The following DOCK3 variants were observed in gnomAD, a reference collection of about 807,000 sequenced individuals.
The protein encoded by DOCK3 is dedicator of cytokinesis 3.
A neutral mutation model predicts 265.6 loss-of-function variants in DOCK3; 60 were observed. The ratio of observed to expected loss-of-function variants is 0.23; its 90% CI spans 0.18 to 0.28. The LOEUF is 0.28. Among genes scored for constraint, DOCK3 ranks in the 10% least tolerant of loss-of-function variants. The probability of loss-of-function intolerance (pLI) is 1.00; values close to 1 mark genes in which losing one functional copy is unlikely to be tolerated. For missense variants in DOCK3, 1,981 were observed against 2,594.3 expected (o/e 0.76, Z 5.14); for synonymous variants, 881 against 938.0 (o/e 0.94, Z 1.11).
intron 12 of DOCK3, among the ~76,000 whole-genome samples, chr3:51,175,674 C>G (rs756306964): frequency 1.3e-4 from 20 of 152,286 alleles, no homozygotes; most frequent in Middle Eastern, 3.4e-3. Context: ...GATTTGCAGG[C>G]TACTTTAAGA....
rs146712657 is a variant in DOCK3, at chr3:51,149,283, A to C, written c.828+2653A>C. 7.5e-3 allele frequency among the ~76,000 whole-genome samples: 1,144 copies of C among 152,308 alleles called. 15 individuals are homozygous for C. The highest frequency in any genetic ancestry group is 0.026 in the African/African-American group (1,097 of 41,550). Reference sequence around the variant, plus strand: ...CTAAATATACAATCATGTCATCTGCAAACAGGGACAATTTGACTTCCTCTT... The same window carrying C: ...CTAAATATACAATCATGTCATCTGCCAACAGGGACAATTTGACTTCCTCTT... On this transcript the variant is annotated intron_variant, in intron 10 of 52. Transcript: ENST00000266037.
intron 4 of DOCK3, among the ~76,000 whole-genome samples, chr3:50,918,265 A>G (rs1408316367): frequency 2.6e-5 from 4 of 152,202 alleles, no homozygotes; most frequent in African/African-American, 9.6e-5. Context: ...AATCCGTTGG[A>G]TATATACCCA....
At position 50,774,154 on chromosome 3, in the gene DOCK3, GT is replaced by G. The variant is rs568230070; in HGVS notation, c.38-4517del. ...TGGTATATACATTTTTTCACAGCTT[GT>G]TTTCTTTACAACTGAGAGGCTTGAT... On this transcript the variant is annotated intron_variant, in intron 1 of 52. Transcript: ENST00000266037. 4.6e-4 allele frequency among the ~76,000 whole-genome samples: 70 copies of G among 151,876 alleles called. No homozygotes were observed. The South Asian group carries it at 7.9e-3, about 17-fold the overall frequency.
At chr3:50,817,694 AT>A (rs139263008) in intron 2 of DOCK3, among the ~76,000 whole-genome samples, 12 of 147,152 alleles carry the variant, frequency 8.2e-5, no homozygotes, top group East Asian at 2.0e-4. Flanking sequence ...CTTTGGGGCT[AT>A]TTTTTTTTTC....
chr3:51,340,507 A>C (rs2085169935), intron 37 of DOCK3, among the ~76,000 whole-genome samples: 1 of 152,262 alleles, frequency 6.6e-6, no homozygotes, highest in Non-Finnish European at 1.5e-5. Context: ...ATAAATGGTT[A>C]GAAATGAGAT....
At chr3:51,264,099 A>G (rs2080020019) in intron 23 of DOCK3, among the ~76,000 whole-genome samples, 1 of 152,228 alleles carries the variant, frequency 6.6e-6, no homozygotes, top group African/African-American at 2.4e-5. Flanking sequence ...CCCCAAATCA[A>G]CAGAATATAC....
chr3:50,819,075 A>AG (rs2106883543), intron 2 of DOCK3, among the ~76,000 whole-genome samples: 1 of 152,328 alleles, frequency 6.6e-6, no homozygotes, highest in Admixed American at 6.5e-5. Context: ...TCCAAACTGC[A>AG]TGAGTTTGTT....
chr3:50,697,144 T>C (rs2035681983), intron 1 of DOCK3, among the ~76,000 whole-genome samples: 1 of 151,718 alleles, frequency 6.6e-6, no homozygotes, highest in Non-Finnish European at 1.5e-5. Context: ...TTGGCCAGGC[T>C]GGTCTCAAAT....
rs72937295 is a variant in DOCK3, at chr3:50,954,003, G to A, written c.315+19926G>A. 6.2e-3 allele frequency among the ~76,000 whole-genome samples: 945 copies of A among 152,066 alleles called. 9 individuals carry two copies. The highest frequency in any genetic ancestry group is 0.021 in the African/African-American group (888 of 41,504). ...CAGTGGTATTAAGTACGTTCACATT[G>A]TTATGCAATCCCCACCATTGTTATG... is the stretch of plus-strand genomic sequence containing the variant. On this transcript the variant is annotated intron_variant, in intron 5 of 52. Transcript: ENST00000266037.
In DOCK3 at chr3:51,280,140, G is replaced by A. The variant is rs758242895; in HGVS notation, c.2858G>A (p.Arg953His). 11 of 1,613,638 alleles carry A rather than the reference G, an allele frequency of 6.8e-6. No homozygotes were observed. The highest frequency in any genetic ancestry group is 2.2e-5 in the East Asian group (1 of 44,862). The part of the protein sequence containing the change: ...EYVSCLLSLL[R>H]QMCDTHFQHL... ...GTGTCCTGCCTTCTCTCACTGCTCC[G>A]CCAGATGTGTGACACCCATTTCCAG... The change falls in exon 27 of 53, where the codon CGC becomes CAC. Residue 953 changes from arginine (R) to histidine (H), a missense_variant. By Grantham distance (29) the Arg-to-His change is conservative (BLOSUM62 0). Around this residue, in one of 4 missense-constraint regions of DOCK3, gnomAD observed 1,357 missense variants for 1,866.8 expected, o/e 0.73. Coordinates refer to ENST00000266037, the MANE Select transcript of DOCK3 (RefSeq NM_004947.5).
intron 12 of DOCK3, among the ~76,000 whole-genome samples, chr3:51,188,110 C>T (rs1393748563): frequency 1.3e-5 from 2 of 152,182 alleles, no homozygotes; most frequent in African/African-American, 2.4e-5. Flanking sequence ...AAATGCTCAA[C>T]ATAGTCTTTT....
At chr3:51,208,649 CAG>C (rs2089347043) in intron 12 of DOCK3, 123 bp from the exon 13 acceptor site, 1 of 740,596 alleles carries the variant, frequency 1.4e-6, no homozygotes, top group East Asian at 2.7e-5. Context: ...TTTAGTAAAA[CAG>C]AACATCATTT....
Position 51,330,199 on chromosome 3 carries a change from G to A in DOCK3, c.3464G>A (p.Ser1155Asn). 6.2e-7 allele frequency: 1 copy of A among 1,601,580 alleles called. No individual in the cohort carries two copies. Among genetic ancestry groups the A allele is most frequent in the Non-Finnish European group, 8.5e-7 (1 of 1,174,180 alleles). The change falls in exon 33 of 53, where the codon AGC (serine) becomes AAC (asparagine). Residue 1155 changes from serine to asparagine, a missense_variant. Around this residue, in one of 4 missense-constraint regions of DOCK3, gnomAD observed 1,357 missense variants for 1,866.8 expected, o/e 0.73. Transcript: ENST00000266037. ...GTGTCAGAAGGGAAAGGTGACGAGA[G>A]CTACAGGGAGCTCTTCAGCCTACTG... ...SMVSEGKGDE[S>N]YRELFSLLTQ... is the part of the protein sequence containing the mutation.
chr3:50,827,950 CTT>C (rs575001275), intron 2 of DOCK3, among the ~76,000 whole-genome samples: 4 of 144,716 alleles, frequency 2.8e-5, no homozygotes, highest in Non-Finnish European at 3.0e-5. Context: ...AACATGCACT[CTT>C]TTTTTTTTTT....
At chr3:51,296,234 A>G (rs992187731) in intron 27 of DOCK3, among the ~76,000 whole-genome samples, 1 of 152,224 alleles carries the variant, frequency 6.6e-6, no homozygotes, top group Non-Finnish European at 1.5e-5. Context: ...AGTATCATCA[A>G]AATGAATAAA....
intron 21 of DOCK3, among the ~76,000 whole-genome samples, chr3:51,243,027 C>T (rs1275116018): frequency 6.6e-6 from 1 of 152,138 alleles, no homozygotes; most frequent in Non-Finnish European, 1.5e-5. Context: ...GCCCTGCAAG[C>T]AGGTATGGCC....
intron 5 of DOCK3, among the ~76,000 whole-genome samples, chr3:50,949,437 T>G (rs1296118235): frequency 1.3e-5 from 2 of 152,168 alleles, no homozygotes; most frequent in Non-Finnish European, 2.9e-5. Context: ...ATTAAAAATT[T>G]ATCCATTTCA....
intron 5 of DOCK3, among the ~76,000 whole-genome samples, chr3:51,054,121 TAAAAAA>T (rs35733959): frequency 1.2e-5 from 1 of 85,012 alleles, no homozygotes; most frequent in African/African-American, 4.4e-5. Context: ...CGTAGCTTCC[TAAAAAA>T]AAAAAAAAAA....
chr3:50,770,915 AT>A (rs2041236926), intron 1 of DOCK3, among the ~76,000 whole-genome samples: 1 of 152,232 alleles, frequency 6.6e-6, no homozygotes, highest in African/African-American at 2.4e-5. Flanking sequence ...CCATATATAG[AT>A]GAATGAAGCT....
Sources: allele counts gnomAD v4.1 joint callset (sites outside exome capture counted in the v4.1 genomes callset), GRCh38; gene constraint gnomAD v4.1.1; regional missense constraint gnomAD v4.1.1; transcripts MANE v1.5; gene names NCBI Gene and HGNC (gene_info 2026-07-23, HGNC 2026-07-21).